USP34: variants seen among roughly 807,000 people sequenced by gnomAD.
USP34 encodes the protein ubiquitin carboxyl-terminal hydrolase 34.
A neutral mutation model predicts 460.3 loss-of-function variants in USP34; 70 were observed. The ratio of observed to expected loss-of-function variants is 0.15; its 90% CI spans 0.13 to 0.19. The LOEUF (loss-of-function observed/expected upper bound fraction) is 0.19. USP34 is among the 10% of genes least tolerant of loss of function. The pLI is 1.00. For missense variants in USP34, 3,985 were observed against 4,236.2 expected, an observed-to-expected ratio of 0.94 and a Z score of 1.65; for synonymous variants, 1,647 against 1,405.3, an observed-to-expected ratio of 1.17 and a Z score of -3.85.
At chr2:61,466,092 G>C (rs1046125577) in intron 1 of USP34, among the ~76,000 whole-genome samples, 16 of 151,910 alleles carry the variant, frequency 1.1e-4, no homozygotes, top group African/African-American at 3.6e-4. Context: ...TGAGATAGAA[G>C]GAATAAGTAC....
chr2:61,197,888 C>G (rs1380457338), intron 75 of USP34, among the ~76,000 whole-genome samples: 1 of 152,084 alleles, frequency 6.6e-6, no homozygotes, highest in Non-Finnish European at 1.5e-5. Flanking sequence ...GCCTCCCAAG[C>G]AGCTGGGACT....
At chr2:61,287,817 T>A (rs73936111) in intron 34 of USP34, among the ~76,000 whole-genome samples, 34 of 152,302 alleles carry the variant, frequency 2.2e-4, no homozygotes, top group Non-Finnish European at 2.5e-4. Context: ...AAAAGTTATA[T>A]ACAGATTTTT....
intron 10 of USP34, among the ~76,000 whole-genome samples, chr2:61,359,783 T>G (rs977089371): frequency 7.0e-6 from 1 of 142,540 alleles, no homozygotes; most frequent in African/African-American, 2.6e-5. Context: ...ACAGTTGTTT[T>G]TTTTTTTTTT....
chr2:61,398,845 A>T (rs1693623987), intron 3 of USP34, among the ~76,000 whole-genome samples: 1 of 152,210 alleles, frequency 6.6e-6, no homozygotes, highest in African/African-American at 2.4e-5. Flanking sequence ...ATGAAGTCTC[A>T]AAGTAAGTGT....
rs545564638 is a variant in USP34, at chr2:61,389,328, TTTC to T, written c.753+5522_753+5524del. Among the ~76,000 whole-genome samples the T allele has an allele frequency of 5.5e-3, 842 of 152,326 alleles. 1 individual carries two copies. The highest frequency in any genetic ancestry group is 8.0e-3 in the Non-Finnish European group (545 of 68,026). On this transcript the variant is annotated intron_variant, in intron 5 of 79. Coordinates refer to ENST00000398571, the MANE Select transcript of USP34 (RefSeq NM_014709.4). ...GCCACATGTTATCACTTTGTGTACG[TTTC>T]TTTATGAATGTTATTTTTCAAATTT...
chr2:61,190,759 A>G, intron 76 of USP34, 101 bp from the exon 77 acceptor site: 3 of 1,383,872 alleles, frequency 2.2e-6, no homozygotes, highest in Non-Finnish European at 2.9e-6. Flanking sequence ...TGTATGATGG[A>G]ATCTGAAGCC....
intron 10 of USP34, among the ~76,000 whole-genome samples, chr2:61,354,317 G>T (rs138111064): frequency 8.9e-4 from 135 of 152,266 alleles, no homozygotes; most frequent in African/African-American, 3.2e-3. Context: ...CATCCAAAAC[G>T]TTAGAGGCCA....
At chr2:61,312,345 C>T (rs939285590) in intron 25 of USP34, among the ~76,000 whole-genome samples, 3 of 151,354 alleles carry the variant, frequency 2.0e-5, no homozygotes, top group African/African-American at 4.9e-5. Flanking sequence ...TATATACTAA[C>T]GAGCCTAATA....
chr2:61,387,908 C>T (rs1341497841), intron 5 of USP34, among the ~76,000 whole-genome samples: 2 of 145,346 alleles, frequency 1.4e-5, no homozygotes, highest in Non-Finnish European at 3.0e-5. Context: ...TATATATAAG[C>T]ATATGTAAAA....
intron 41 of USP34, among the ~76,000 whole-genome samples, chr2:61,268,438 T>TTAAA (rs1308242934): frequency 2.4e-4 from 13 of 53,414 alleles, no homozygotes; most frequent in African/African-American, 8.9e-4. Flanking sequence ...GAGCTGTTGT[T>TTAAA]AAAAAAAAAA....
At chr2:61,335,081 G>C (rs1028204551) in intron 18 of USP34, among the ~76,000 whole-genome samples, 1 of 152,122 alleles carries the variant, frequency 6.6e-6, no homozygotes, top group African/African-American at 2.4e-5. Flanking sequence ...GTTTTTAAAT[G>C]ACAGAAAGTA....
At chr2:61,263,305 C>T (rs111550068) in intron 43 of USP34, among the ~76,000 whole-genome samples, 2 of 151,624 alleles carry the variant, frequency 1.3e-5, no homozygotes, top group East Asian at 3.9e-4. Flanking sequence ...CTCTGACTCC[C>T]AAGTAGCTGG....
rs532028651 is a variant in USP34, at chr2:61,350,529, C to T, written c.1377+39G>A. 10 of 1,550,890 alleles carry T rather than the reference C, an allele frequency of 6.4e-6. No individual in the cohort carries two copies. In the East Asian group the frequency reaches 6.9e-5, roughly 11 times the overall value. On this transcript the variant is annotated intron_variant, in intron 11 of 79. Transcript: ENST00000398571. ...GAATCACAAGGAAATTTTCACTTCA[C>T]GGGAAAAAAAAAAAACTATCATGTT... is the stretch of plus-strand genomic sequence containing the variant.
At chr2:61,402,937 A>C (rs1355135270) in intron 3 of USP34, among the ~76,000 whole-genome samples, 1 of 152,180 alleles carries the variant, frequency 6.6e-6, no homozygotes, top group African/African-American at 2.4e-5. Flanking sequence ...GTTGACCCTT[A>C]CCGCATTTAA....
At chr2:61,462,902 A>T (rs191131918) in intron 1 of USP34, among the ~76,000 whole-genome samples, 3 of 150,728 alleles carry the variant, frequency 2.0e-5, no homozygotes, top group Admixed American at 1.3e-4. Flanking sequence ...GCTGGTATAC[A>T]CACCTATAGT....
chr2:61,194,153 C>T, intron 75 of USP34: 1 of 985,244 alleles, frequency 1.0e-6, no homozygotes, highest in Non-Finnish European at 1.2e-6. Flanking sequence ...AGGTCACTCA[C>T]TCAGAACTTA....
At chr2:61,338,189 C>G (rs1465274923) in intron 18 of USP34, among the ~76,000 whole-genome samples, 1 of 152,094 alleles carries the variant, frequency 6.6e-6, no homozygotes, top group Non-Finnish European at 1.5e-5. Flanking sequence ...GCCATGATGG[C>G]AGGTGCCTGT....
chr2:61,355,463 G>A (rs1399888937), intron 10 of USP34, among the ~76,000 whole-genome samples: 1 of 152,184 alleles, frequency 6.6e-6, no homozygotes, highest in Non-Finnish European at 1.5e-5. Context: ...TGGAGAGATG[G>A]AGTCATTAGG....
At chr2:61,393,393 T>C (rs930660628) in intron 5 of USP34, among the ~76,000 whole-genome samples, 9 of 147,064 alleles carry the variant, frequency 6.1e-5, no homozygotes, top group African/African-American at 1.0e-4. Context: ...ATCATGCCAC[T>C]GCACTCCAGC....
Sources: gnomAD v4.1 joint callset for allele counts (sites outside exome capture counted in the v4.1 genomes callset) on GRCh38, gnomAD v4.1.1 for gene constraint, MANE v1.5 for transcripts, NCBI Gene and HGNC (gene_info 2026-07-23, HGNC 2026-07-21) for gene names.